DLGAP3: variants seen among roughly 807,000 people sequenced by gnomAD.
The protein encoded by DLGAP3 is disks large-associated protein 3.
Under a neutral mutation model 81.2 loss-of-function variants are expected in DLGAP3, and 17 were observed. The ratio of observed to expected loss-of-function variants is 0.21; its 90% CI spans 0.14 to 0.31. DLGAP3 has a LOEUF of 0.31. DLGAP3 is among the 10% of genes least tolerant of loss of function. The probability of loss-of-function intolerance (pLI) is 1.00; values close to 1 mark genes in which losing one functional copy is unlikely to be tolerated. For missense variants in DLGAP3, 1,124 were observed against 1,388.0 expected, an observed-to-expected ratio of 0.81 and a Z score of 3.02; for synonymous variants, 577 against 587.4, an observed-to-expected ratio of 0.98 and a Z score of 0.26.
At chr1:34,911,589 G>T (rs186374259) in intron 1 of DLGAP3, among the ~76,000 whole-genome samples, 1 of 152,156 alleles carries the variant, frequency 6.6e-6, no homozygotes, top group African/African-American at 2.4e-5. Context: ...GGAGGGTGCC[G>T]TGTGTGACAA....
rs532181823 is a variant in DLGAP3, at chr1:34,868,529, C to G, written c.2485+76G>C. ...CCTCCTGTTACACTGCAGCCCCAGC[C>G]ACCCCCATCAGGGTCTCCTGAGCAC... On this transcript the variant is annotated intron_variant, in intron 9 of 11. Coordinates refer to ENST00000373347, the MANE Select transcript of DLGAP3 (RefSeq NM_001080418.3). The surrounding 1 kb of genome is among the most constrained non-coding windows in gnomAD (Gnocchi z 7.5). 3.1e-6 allele frequency: 4 copies of G among 1,299,480 alleles called. No individual in the cohort carries two copies. The East Asian group carries it at 9.2e-5, about 30-fold the overall frequency. The allele number at this position is 1,299,480 out of a possible 1,614,324, so 80.5% of individuals were successfully genotyped here. A position where few individuals can be genotyped will look rare whatever the true frequency, so the allele number is the denominator to read the frequency against.
At chr1:34,889,489 C>A (rs1486079490) in intron 5 of DLGAP3, among the ~76,000 whole-genome samples, 1 of 152,244 alleles carries the variant, frequency 6.6e-6, no homozygotes, top group African/African-American at 2.4e-5. Context: ...TTACAGGAGA[C>A]TCAAAGTCAA....
rs551348363 is a variant in DLGAP3, at chr1:34,924,776, C to G, written c.-135+4675G>C. Among the ~76,000 whole-genome samples the G allele has an allele frequency of 2.2e-4, 33 of 152,308 alleles. No homozygotes were observed. In the South Asian group the frequency reaches 3.3e-3, roughly 15 times the overall value. ...GAAGGGAGAGAGGGAACTGAAACAG[C>G]AAAAGGGGAGAGGGGCCCCTTGGGG... On this transcript the variant is annotated intron_variant, in intron 1 of 11. Transcript: ENST00000373347.
At chr1:34,889,268 C>T (rs1335697279) in intron 5 of DLGAP3, among the ~76,000 whole-genome samples, 1 of 152,218 alleles carries the variant, frequency 6.6e-6, no homozygotes, top group Non-Finnish European at 1.5e-5. Flanking sequence ...TCCCTGGGGT[C>T]ATACACCCGC....
intron 8 of DLGAP3, among the ~76,000 whole-genome samples, chr1:34,878,419 G>A (rs993563610): frequency 1.3e-5 from 2 of 152,000 alleles, no homozygotes; most frequent in African/African-American, 2.4e-5. Flanking sequence ...CCAAAAGCAA[G>A]CAGCCATAGC....
chr1:34,920,637 T>A (rs1345093411), intron 1 of DLGAP3, among the ~76,000 whole-genome samples: 1 of 152,208 alleles, frequency 6.6e-6, no homozygotes, highest in Non-Finnish European at 1.5e-5. Flanking sequence ...ACCAAAGCTA[T>A]GACAACAGGT....
intron 8 of DLGAP3, among the ~76,000 whole-genome samples, chr1:34,884,594 G>C (rs980980678): frequency 2.6e-5 from 4 of 152,104 alleles, no homozygotes; most frequent in African/African-American, 4.8e-5. Flanking sequence ...GTTTCTTTTT[G>C]AGCTCACATA....
chr1:34,886,922 T>C (rs1639241784), intron 5 of DLGAP3, among the ~76,000 whole-genome samples: 1 of 144,608 alleles, frequency 6.9e-6, no homozygotes, highest in East Asian at 2.0e-4. Context: ...CCTACCAGTG[T>C]CCCAAGCCTT....
At position 34,885,469 on chromosome 1, in the gene DLGAP3, G is replaced by A. The variant is rs1241209140; in HGVS notation, c.1914+9C>T. On this transcript the variant is annotated intron_variant, in intron 7 of 11. Transcript: ENST00000373347. ...TCAGAGCCCTCGTGGGCGCCTCCCC[G>A]TTCCATACCTGCACCCCAATGGACG... 7 of 1,605,478 alleles carry A rather than the reference G, an allele frequency of 4.4e-6. No individual in the cohort carries two copies. The highest frequency in any genetic ancestry group is 4.5e-5 in the East Asian group (2 of 44,850).
chr1:34,879,352 C>T (rs1369418794), intron 8 of DLGAP3, among the ~76,000 whole-genome samples: 1 of 152,188 alleles, frequency 6.6e-6, no homozygotes, highest in African/African-American at 2.4e-5. Flanking sequence ...AGATCCCTTA[C>T]ATATGCACGC....
At chr1:34,915,877 G>A (rs1348841752) in intron 1 of DLGAP3, among the ~76,000 whole-genome samples, 1 of 152,202 alleles carries the variant, frequency 6.6e-6, no homozygotes, top group Non-Finnish European at 1.5e-5. Context: ...ACCCTCTGCT[G>A]CTGCACGGGT....
intron 11 of DLGAP3, 111 bp from the exon 12 acceptor site, chr1:34,866,412 C>T (rs959347378): frequency 1.1e-6 from 1 of 870,276 alleles, no homozygotes; most frequent in Non-Finnish European, 1.7e-6. Flanking sequence ...GCTCCGAACG[C>T]GATGGCGCTC....
chr1:34,905,475 CTCTT>C lies in DLGAP3; in HGVS notation c.-51-45_-51-42del, dbSNP rs1379952562. On this transcript the variant is annotated intron_variant, in intron 2 of 11. Transcript: ENST00000373347. ...GAAAAGGTATTTGAATTGAACAGCC[CTCTT>C]CACCTAAAACCATCTTTTATTAGGC... 2.9e-6 allele frequency: 4 copies of C among 1,363,832 alleles called. No individual in the cohort carries two copies. The African/African-American group carries it at 5.9e-5, about 20-fold the overall frequency. The allele number at this position is 1,363,832 out of a possible 1,614,324, so 84.5% of individuals were successfully genotyped here.
At position 34,886,160 on chromosome 1, in the gene DLGAP3, G is replaced by C. The variant is rs771466968; in HGVS notation, c.1512C>G (p.Leu504=). Residue 504 remains leucine, a synonymous_variant, in exon 6 of 12, where the codon CTC becomes CTG. Coordinates refer to ENST00000373347, the MANE Select transcript of DLGAP3 (RefSeq NM_001080418.3). ...GCFRMRSHSY[L]RAIQAGCSQD... is the part of the protein sequence containing the mutation. ...GAGAGCAGCCGGCCTGGATGGCCCG[G>C]AGGTAGCTGTGGCTCCGCATGCGGA... The C allele has an allele frequency of 6.2e-7, 1 of 1,610,310 alleles. No homozygotes were observed.
intron 1 of DLGAP3, among the ~76,000 whole-genome samples, chr1:34,924,820 A>G (rs1183368624): frequency 6.6e-6 from 1 of 152,194 alleles, no homozygotes. Context: ...CCTAAATACC[A>G]CTAACAACTG....
intron 5 of DLGAP3, among the ~76,000 whole-genome samples, chr1:34,890,725 T>C (rs992246678): frequency 1.3e-5 from 2 of 152,198 alleles, no homozygotes; most frequent in African/African-American, 2.4e-5. Context: ...CTTCACCCAG[T>C]GAAGCCTTGA....
chr1:34,869,480 A>ATTTTTTTTTTTTTTTTTTTTTTTTTTT (rs71029050), intron 8 of DLGAP3, among the ~76,000 whole-genome samples: 1 of 69,280 alleles, frequency 1.4e-5, no homozygotes. Context: ...AGATATTTCA[A>ATTTTTTTTTTTTTTTTTTTTTTTTTTT]TTTTTTTTTT....
chr1:34,905,347 G>C lies in DLGAP3; in HGVS notation c.37C>G (p.Arg13Gly). The change falls in exon 3 of 12, where the codon CGC (arginine) becomes GGC (glycine). Residue 13 changes from arginine (R) to glycine (G), a missense_variant. By Grantham distance (125) the Arg-to-Gly change is moderately radical. Around this residue, in one of 9 missense-constraint regions of DLGAP3, gnomAD observed 167 missense variants for 172.1 expected, o/e 0.97. Transcript: ENST00000373347. ...TGTTGGTCAGCAAAGCGGGCTGGGC[G>C]GGGATGGCTGCCTCGGTCGCCATGG... Reference protein sequence around the residue: ...GYHGDRGSHPRPARFADQQHM... With the variant: ...GYHGDRGSHPGPARFADQQHM... The C allele has an allele frequency of 3.9e-6, 6 of 1,557,110 alleles. No individual in the cohort carries two copies. Among genetic ancestry groups the C allele is most frequent in the Non-Finnish European group, 5.2e-6 (6 of 1,150,276 alleles).
Position 34,905,387 on chromosome 1 carries a change from C to T in DLGAP3, c.-4G>A, listed in dbSNP as rs780239321. The stretch of plus-strand genomic sequence containing the variant: ...GGTCGCCATGGTAACCCCTCATGGC[C>T]TCAGCAAAGGCTCTTCATAGTCTTG... On this transcript the variant is annotated 5_prime_UTR_variant, in exon 3 of 12. Coordinates refer to ENST00000373347, the MANE Select transcript of DLGAP3 (RefSeq NM_001080418.3). 3.6e-5 allele frequency: 56 copies of T among 1,551,374 alleles called. No homozygotes were observed. Among genetic ancestry groups the T allele is most frequent in the Non-Finnish European group, 4.6e-5 (53 of 1,147,708 alleles).
Sources: allele counts gnomAD v4.1 joint callset (sites outside exome capture counted in the v4.1 genomes callset), GRCh38; gene constraint gnomAD v4.1.1; regional missense constraint gnomAD v4.1.1; non-coding constraint Gnocchi (gnomAD v3.1); transcripts MANE v1.5; gene names NCBI Gene and HGNC (gene_info 2026-07-23, HGNC 2026-07-21).